Variants in C20orf96 observed in about 807,000 individuals in gnomAD.
C20orf96 encodes the protein uncharacterized protein C20orf96.
Under a neutral mutation model 52.6 loss-of-function variants are expected in C20orf96, and 57 were observed. The observed-to-expected ratio is 1.08, with a 90% CI of 0.88 to 1.35. The LOEUF is 1.35. Among genes scored for constraint, C20orf96 ranks in the 40% most tolerant of loss-of-function variants. The probability of loss-of-function intolerance (pLI) is 0.00; values close to 1 mark genes in which losing one functional copy is unlikely to be tolerated. For synonymous variants in C20orf96, 168 were observed against 157.2 expected (o/e 1.07, Z -0.51); for missense variants, 478 against 443.6 (o/e 1.08, Z -0.70).
At chr20:273,696 C>A (rs551072540) in intron 10 of C20orf96, among the ~76,000 whole-genome samples, 56 of 152,044 alleles carry the variant, frequency 3.7e-4, no homozygotes, top group African/African-American at 1.3e-3. Context: ...GCCAACATGG[C>A]AAAACCCCGT....
chr20:277,111 T>G lies in C20orf96; in HGVS notation c.758A>C (p.Lys253Thr). Residue 253 changes from lysine to threonine, a missense_variant, in exon 8 of 11, where the codon AAG becomes ACG. Physicochemically the swap from Lys to Thr is moderately conservative, Grantham distance 78. Coordinates refer to ENST00000360321, the MANE Select transcript of C20orf96 (RefSeq NM_153269.3). ...CTTGTCAGACAAGGATTCCAGGACC[T>G]TTCTGCGCATCTCACCGAGGTCATC... Reference protein sequence around the residue: ...ELDDLGEMRRKVLESLSDKIQ... With the variant: ...ELDDLGEMRRTVLESLSDKIQ... 3.7e-6 allele frequency: 6 copies of G among 1,613,966 alleles called. No individual in the cohort carries two copies. Among genetic ancestry groups the G allele is most frequent in the Non-Finnish European group, 5.1e-6 (6 of 1,179,918 alleles).
chr20:290,493 G>C (rs112165077), intron 1 of C20orf96, 98 bp downstream of exon 1: 13 of 1,495,738 alleles, frequency 8.7e-6, no homozygotes, highest in Non-Finnish European at 1.1e-5. Flanking sequence ...GAAGACCGAG[G>C]GCGACCTCGA....
Position 278,575 on chromosome 20 carries a change from C to T in C20orf96, c.466-146G>A, listed in dbSNP as rs373001367. 7.9e-5 allele frequency: 53 copies of T among 670,928 alleles called. No individual in the cohort carries two copies. In the Middle Eastern group the frequency reaches 1.5e-3, roughly 19 times the overall value. The allele number at this position is 670,928 out of a possible 1,614,324, so 41.6% of individuals were successfully genotyped here. On this transcript the variant is annotated intron_variant, in intron 5 of 10. Transcript: ENST00000360321. ...TAATCGGGACAGTAACAGTGTCCACCCATAGGGTTGTTGTAAGGACTATAT... is the reference window on the plus strand; with the variant it reads ...TAATCGGGACAGTAACAGTGTCCACTCATAGGGTTGTTGTAAGGACTATAT...
At chr20:290,563 A>ATTTT (rs750461479) in intron 1 of C20orf96, 28 bp downstream of exon 1, 63,274 of 1,243,890 alleles carry the variant, frequency 0.051, 1,101 homozygotes, top group African/African-American at 0.11. Flanking sequence ...CTTTCTTCCA[A>ATTTT]TTTTTTTTTT....
intron 4 of C20orf96, among the ~76,000 whole-genome samples, chr20:280,501 T>A (rs1429115872): frequency 6.6e-6 from 1 of 152,258 alleles, no homozygotes; most frequent in Admixed American, 6.5e-5. Flanking sequence ...CCAACAGCTT[T>A]ATGTTTACTA....
chr20:280,425 C>A (rs2012222577), intron 4 of C20orf96, among the ~76,000 whole-genome samples: 1 of 152,222 alleles, frequency 6.6e-6, no homozygotes, highest in African/African-American at 2.4e-5. Flanking sequence ...TTGCTGAGGG[C>A]CCTCTACATG....
rs2277781 is a variant in C20orf96 at position 277,092 on chromosome 20, A to T, written c.777T>A (p.Ser259=). 6.2e-7 allele frequency: 1 copy of T among 1,613,820 alleles called. No homozygotes were observed. ...EMRRKVLESL[S]DKIQKKKKKI... is the part of the protein sequence containing the mutation. ...TTTTCTTCTTCTTCTGAATCTTGTC[A>T]GACAAGGATTCCAGGACCTTTCTGC... The change falls in exon 8 of 11, where the codon TCT becomes TCA. Residue 259 remains serine (S), a synonymous_variant. Transcript: ENST00000360321.
At position 284,049 on chromosome 20, in the gene C20orf96, T is replaced by C; in HGVS notation, c.220A>G (p.Ser74Gly). ...TCTCTTGGATTCTTCGGCTGGCAGC[T>C]TGTCACCACCGTAGTGGGCTTGAAG... is the stretch of plus-strand genomic sequence containing the variant. ...FHFKPTTVVTSCQPKNPRELH... is the reference protein window; with the variant it reads ...FHFKPTTVVTGCQPKNPRELH... The change falls in exon 4 of 11, where the codon AGC (serine) becomes GGC (glycine). Residue 74 changes from serine to glycine, a missense_variant. Ser to Gly is a moderately conservative substitution (Grantham distance 56). Coordinates refer to ENST00000360321, the MANE Select transcript of C20orf96 (RefSeq NM_153269.3). 1 of 1,614,092 alleles carries C rather than the reference T, an allele frequency of 6.2e-7. No homozygotes were observed. Among genetic ancestry groups the C allele is most frequent in the Non-Finnish European group, 8.5e-7 (1 of 1,180,016 alleles).
At chr20:277,586 G>C (rs1878428207) in intron 6 of C20orf96, among the ~76,000 whole-genome samples, 1 of 152,124 alleles carries the variant, frequency 6.6e-6, no homozygotes, top group Admixed American at 6.5e-5. Flanking sequence ...GGCAATGCTG[G>C]GTAGGAAAAA....
intron 4 of C20orf96, among the ~76,000 whole-genome samples, chr20:283,486 T>G (rs1247666500): frequency 6.6e-6 from 1 of 151,986 alleles, no homozygotes; most frequent in East Asian, 1.9e-4. Context: ...GTAGTTTGAG[T>G]AGAAACGGGG....
chr20:277,177 G>A lies in C20orf96; in HGVS notation c.724-32C>T, dbSNP rs541656310. Reference sequence around the variant, plus strand: ...GCCAGCAGAAGGGTGTTGGTCACCAGTCCTGCCTCCCACACAGTCTGGTGG... The same window carrying A: ...GCCAGCAGAAGGGTGTTGGTCACCAATCCTGCCTCCCACACAGTCTGGTGG... On this transcript the variant is annotated intron_variant, in intron 7 of 10. Transcript: ENST00000360321. The A allele has an allele frequency of 3.6e-5, 58 of 1,613,566 alleles. No homozygotes were observed. In the South Asian group the frequency reaches 6.4e-4, roughly 18 times the overall value.
intron 4 of C20orf96, among the ~76,000 whole-genome samples, chr20:281,002 C>T (rs1226483766): frequency 6.6e-6 from 1 of 151,954 alleles, no homozygotes. Flanking sequence ...AAAAAGTAAA[C>T]AAAATTCGCT....
chr20:290,467 G>A, intron 1 of C20orf96, 124 bp downstream of exon 1: 1 of 1,520,320 alleles, frequency 6.6e-7, no homozygotes, highest in Non-Finnish European at 8.8e-7. Flanking sequence ...TGTGGGCGGG[G>A]AGAGGACGGG....
Position 277,081 on chromosome 20 carries a change from T to C in C20orf96, c.788A>G (p.Gln263Arg), listed in dbSNP as rs756469578. 2 of 1,613,928 alleles carry C rather than the reference T, an allele frequency of 1.2e-6. No homozygotes were observed. Among genetic ancestry groups the C allele is most frequent in the South Asian group, 2.2e-5 (2 of 91,076 alleles). ...ACTCAGAATTTTTTTCTTCTTCTTC[T>C]GAATCTTGTCAGACAAGGATTCCAG... ...KVLESLSDKI[Q>R]KKKKKILSSV... is the part of the protein sequence containing the mutation. The change falls in exon 8 of 11, where the codon CAG becomes CGG. Residue 263 changes from glutamine (Q) to arginine (R), a missense_variant. By Grantham distance (43) the Gln-to-Arg change is conservative. Coordinates refer to ENST00000360321, the MANE Select transcript of C20orf96 (RefSeq NM_153269.3).
At chr20:272,881 G>A (rs2011885578) in intron 10 of C20orf96, among the ~76,000 whole-genome samples, 1 of 152,020 alleles carries the variant, frequency 6.6e-6, no homozygotes, top group Admixed American at 6.6e-5. Context: ...CCACACTCTT[G>A]GCCAGGCCAC....
intron 10 of C20orf96, among the ~76,000 whole-genome samples, chr20:273,733 C>T (rs2011912625): frequency 6.6e-6 from 1 of 151,776 alleles, no homozygotes; most frequent in South Asian, 2.1e-4. Context: ...AAAAATTAGC[C>T]AGGCATGGTG....
chr20:278,023 C>T (rs1302257425), intron 6 of C20orf96, among the ~76,000 whole-genome samples: 1 of 152,184 alleles, frequency 6.6e-6, no homozygotes, highest in Non-Finnish European at 1.5e-5. Flanking sequence ...AGCTACTGCA[C>T]CTCTCTTAGC....
intron 4 of C20orf96, among the ~76,000 whole-genome samples, chr20:282,756 C>CA (rs2012284311): frequency 6.6e-6 from 1 of 152,020 alleles, no homozygotes; most frequent in Non-Finnish European, 1.5e-5. Context: ...CCTGTAATCC[C>CA]AGGTACTCAG....
chr20:271,035 G>A lies in C20orf96; in HGVS notation c.*172C>T, dbSNP rs868521101. Reference sequence around the variant, plus strand: ...GGAAGGAAGGAGGAGGGAAGGGAAGGGGGGAAGAAGGGAGGGAGGGAGGGA... The same window carrying A: ...GGAAGGAAGGAGGAGGGAAGGGAAGAGGGGAAGAAGGGAGGGAGGGAGGGA... On this transcript the variant is annotated 3_prime_UTR_variant, in exon 11 of 11. Transcript: ENST00000360321. 3.6e-6 allele frequency: 2 copies of A among 562,998 alleles called. No individual in the cohort carries two copies. The highest frequency in any genetic ancestry group is 2.0e-5 in the African/African-American group (1 of 49,366). 34.9% of individuals were successfully genotyped at this position (562,998 alleles called of 1,614,324 possible).
Sources: gnomAD v4.1 joint callset for allele counts (sites outside exome capture counted in the v4.1 genomes callset) on GRCh38, gnomAD v4.1.1 for gene constraint, MANE v1.5 for transcripts, NCBI Gene and HGNC (gene_info 2026-07-23, HGNC 2026-07-21) for gene names.